The following TOP6BL variants were observed in gnomAD, a reference collection of about 807,000 sequenced individuals.
TOP6BL encodes the protein type 2 DNA topoisomerase 6 subunit B-like.
the TOP6BL span, among the ~76,000 whole-genome samples, chr11:66,773,494 T>C: frequency 2.0e-5 from 3 of 152,182 alleles, no homozygotes; most frequent in African/African-American, 7.2e-5. Flanking sequence ...TCTAGCAATA[T>C]CCTCTTTCTT....
chr11:66,813,901 T>C, the TOP6BL span: 8 of 1,614,006 alleles, frequency 5.0e-6, no homozygotes, highest in Admixed American at 3.3e-5. Context: ...GCCTCTGATA[T>C]TGTCAACTTG....
chr11:66,762,453 AC>A, the TOP6BL span: 1 of 286,136 alleles, frequency 3.5e-6, no homozygotes. Context: ...AGGCCTAGGT[AC>A]CCAGAGTACC....
chr11:66,822,543 C>T, the TOP6BL span: 5 of 1,469,678 alleles, frequency 3.4e-6, no homozygotes, highest in East Asian at 9.9e-5. Flanking sequence ...CAGTCTCCCC[C>T]TTACTTGTTA....
the TOP6BL span, among the ~76,000 whole-genome samples, chr11:66,805,850 C>T: frequency 6.6e-6 from 1 of 152,130 alleles, no homozygotes; most frequent in Non-Finnish European, 1.5e-5. Context: ...CATTTTATTA[C>T]ACATTTAAAA....
chr11:66,843,254 G>A, the TOP6BL span: 7 of 1,606,704 alleles, frequency 4.4e-6, no homozygotes, highest in Non-Finnish European at 5.9e-6. Context: ...CCTTCCGCAA[G>A]CGCCCACCGA....
At chr11:66,745,320 G>T in the TOP6BL span, among the ~76,000 whole-genome samples, 6 of 137,518 alleles carry the variant, frequency 4.4e-5, no homozygotes, top group South Asian at 1.1e-3. Flanking sequence ...GGGGTGGGGG[G>T]AGTCGGGGCG....
chr11:66,776,617 A>C, the TOP6BL span, among the ~76,000 whole-genome samples: 1 of 151,812 alleles, frequency 6.6e-6, no homozygotes, highest in Non-Finnish European at 1.5e-5. Flanking sequence ...GCAAGTCCCC[A>C]TCTCTTAGAA....
the TOP6BL span, chr11:66,828,427 T>C: frequency 2.3e-6 from 3 of 1,283,822 alleles, no homozygotes; most frequent in South Asian, 1.3e-5. Context: ...GAATCCTGAA[T>C]TGAGGGTGGG....
the TOP6BL span, chr11:66,761,820 C>T: frequency 2.4e-6 from 2 of 836,320 alleles, no homozygotes; most frequent in Non-Finnish European, 4.2e-6. Context: ...GAGAAGATGT[C>T]ACTCAGCCTC....
chr11:66,761,758 A>G, the TOP6BL span: 11 of 780,176 alleles, frequency 1.4e-5, no homozygotes, highest in Non-Finnish European at 2.3e-5. Flanking sequence ...GTGTATAGTT[A>G]GTATCCTTCC....
At chr11:66,833,620 C>T in the TOP6BL span, among the ~76,000 whole-genome samples, 1 of 152,038 alleles carries the variant, frequency 6.6e-6, no homozygotes, top group South Asian at 2.1e-4. Context: ...AGTACTTTTA[C>T]TTGGGCCTCT....
chr11:66,768,668 G>GTT, the TOP6BL span, among the ~76,000 whole-genome samples: 42 of 115,436 alleles, frequency 3.6e-4, no homozygotes, highest in East Asian at 7.8e-3. Flanking sequence ...TTTGTTTTTT[G>GTT]TTTTTTTTTT....
chr11:66,806,037 C>T, the TOP6BL span, among the ~76,000 whole-genome samples: 2 of 152,176 alleles, frequency 1.3e-5, no homozygotes, highest in Non-Finnish European at 2.9e-5. Flanking sequence ...TGTCTCAAGA[C>T]ATCCTTTGAA....
chr11:66,816,784 C>T, the TOP6BL span, among the ~76,000 whole-genome samples: 1 of 151,980 alleles, frequency 6.6e-6, no homozygotes, highest in Non-Finnish European at 1.5e-5. Context: ...TGCTTTGTTG[C>T]CCAGGCTGTT....
chr11:66,823,904 G>T, the TOP6BL span, among the ~76,000 whole-genome samples: 2 of 152,196 alleles, frequency 1.3e-5, no homozygotes, highest in Admixed American at 6.5e-5. Context: ...ATCTCATGGT[G>T]ACAGAATACA....
At chr11:66,798,795 C>T in the TOP6BL span, among the ~76,000 whole-genome samples, 1 of 152,010 alleles carries the variant, frequency 6.6e-6, no homozygotes, top group African/African-American at 2.4e-5. Flanking sequence ...TATTTTTTGG[C>T]CGGGCGTGGT....
At chr11:66,817,688 C>T in the TOP6BL span, among the ~76,000 whole-genome samples, 2 of 152,084 alleles carry the variant, frequency 1.3e-5, no homozygotes, top group African/African-American at 4.8e-5. Context: ...CCACCCGCCT[C>T]AGCCCCCCAA....
At chr11:66,747,341 C>T in the TOP6BL span, among the ~76,000 whole-genome samples, 17 of 152,050 alleles carry the variant, frequency 1.1e-4, no homozygotes, top group South Asian at 2.5e-3. Flanking sequence ...ATCTGTTAAG[C>T]ATTTGCTATT....
At chr11:66,813,953 T>A in the TOP6BL span, 1 of 1,613,854 alleles carries the variant, frequency 6.2e-7, no homozygotes, top group Non-Finnish European at 8.5e-7. Flanking sequence ...ACCTCTTCTT[T>A]AGTTGACTGG....
Sources: allele counts gnomAD v4.1 joint callset (sites outside exome capture counted in the v4.1 genomes callset), GRCh38; gene constraint gnomAD v4.1.1; transcripts MANE v1.5; gene names NCBI Gene and HGNC (gene_info 2026-07-23, HGNC 2026-07-21).